Variants in ADCY2 observed in about 807,000 individuals in gnomAD.
ADCY2 encodes the protein adenylate cyclase 2.
Under a neutral mutation model 125.2 loss-of-function variants are expected in ADCY2, and 31 were observed. The observed-to-expected ratio is 0.25, with a 90% CI of 0.19 to 0.33. The LOEUF (loss-of-function observed/expected upper bound fraction) is 0.33, where lower values mean the gene tolerates loss of function less well. ADCY2 is among the 10% of genes least tolerant of loss of function. The probability of loss-of-function intolerance (pLI) is 1.00; values close to 1 mark genes in which losing one functional copy is unlikely to be tolerated. For missense variants in ADCY2, 904 were observed against 1,418.2 expected, an observed-to-expected ratio of 0.64 and a Z score of 5.82; for synonymous variants, 512 against 548.4, an observed-to-expected ratio of 0.93 and a Z score of 0.93.
chr5:7,703,364 C>A (rs188996126), intron 7 of ADCY2, among the ~76,000 whole-genome samples: 71 of 152,260 alleles, frequency 4.7e-4, no homozygotes, highest in African/African-American at 1.7e-3. Flanking sequence ...TCAGGTCTAA[C>A]ATTTAAGTCT....
chr5:7,714,562 G>C (rs1264615344), intron 11 of ADCY2, among the ~76,000 whole-genome samples: 1 of 152,258 alleles, frequency 6.6e-6, no homozygotes, highest in South Asian at 2.1e-4. Context: ...AAAGGGATAG[G>C]AGAATGCCAG....
At chr5:7,499,671 ATATATATATATGTATATATATGTG>A (rs1262001810) in intron 2 of ADCY2, among the ~76,000 whole-genome samples, 1 of 123,258 alleles carries the variant, frequency 8.1e-6, no homozygotes, top group East Asian at 2.1e-4. Flanking sequence ...ATATATATAT[ATATATATATATGTATATATATGTG>A]TATATATATG....
At chr5:7,648,584 A>C (rs1044670771) in intron 4 of ADCY2, among the ~76,000 whole-genome samples, 1 of 152,200 alleles carries the variant, frequency 6.6e-6, no homozygotes, top group Non-Finnish European at 1.5e-5. Flanking sequence ...ATTTAAGAAA[A>C]ACTTTGCCAA....
chr5:7,711,911 C>G lies in ADCY2; in HGVS notation c.1579-945C>G, dbSNP rs1477217898. Among the ~76,000 whole-genome samples, 11 of 152,318 alleles carry G rather than the reference C, an allele frequency of 7.2e-5. No homozygotes were observed. The South Asian group carries it at 2.3e-3, about 32-fold the overall frequency. ...CTTTGACTTAACTGTGTGTCTCACT[C>G]ACTTTCAGAAAGACCTCACTGGAGT... On this transcript the variant is annotated intron_variant, in intron 10 of 24. Coordinates refer to ENST00000338316, the MANE Select transcript of ADCY2 (RefSeq NM_020546.3).
At chr5:7,640,802 A>G (rs1004340836) in intron 4 of ADCY2, among the ~76,000 whole-genome samples, 4 of 152,214 alleles carry the variant, frequency 2.6e-5, no homozygotes, top group African/African-American at 9.6e-5. Context: ...TCTCTATGCA[A>G]TGACTAGTTT....
At chr5:7,644,262 A>T (rs1259793977) in intron 4 of ADCY2, among the ~76,000 whole-genome samples, 3 of 152,024 alleles carry the variant, frequency 2.0e-5, no homozygotes, top group Admixed American at 6.6e-5. Context: ...ATTTAAAGGC[A>T]TTTTCCATCC....
intron 2 of ADCY2, among the ~76,000 whole-genome samples, chr5:7,458,415 G>A (rs1741788813): frequency 6.6e-6 from 1 of 152,128 alleles, no homozygotes; most frequent in Non-Finnish European, 1.5e-5. Context: ...ATATAAAGCA[G>A]TTATTTGCAA....
chr5:7,721,773 T>C (rs1351504072), intron 12 of ADCY2, among the ~76,000 whole-genome samples: 3 of 152,220 alleles, frequency 2.0e-5, no homozygotes, highest in Non-Finnish European at 2.9e-5. Flanking sequence ...TTTGGACCAG[T>C]ACCATGCTGT....
chr5:7,442,209 G>A (rs1186878578), intron 2 of ADCY2, among the ~76,000 whole-genome samples: 2 of 152,106 alleles, frequency 1.3e-5, no homozygotes, highest in Non-Finnish European at 2.9e-5. Flanking sequence ...TGCATGTTGT[G>A]CCTCCTGTGT....
intron 1 of ADCY2, among the ~76,000 whole-genome samples, chr5:7,399,335 TG>T (rs1739178651): frequency 1.3e-5 from 2 of 152,202 alleles, no homozygotes; most frequent in South Asian, 4.1e-4. Flanking sequence ...GAGATTTTTT[TG>T]CTGTATGTAA....
At chr5:7,451,766 T>A (rs185261853) in intron 2 of ADCY2, among the ~76,000 whole-genome samples, 19 of 152,312 alleles carry the variant, frequency 1.2e-4, no homozygotes, top group Middle Eastern at 3.4e-3. Context: ...TTTATCCTTT[T>A]AAATTTTTTT....
chr5:7,403,728 C>T (rs1462225569), intron 1 of ADCY2, among the ~76,000 whole-genome samples: 2 of 152,090 alleles, frequency 1.3e-5, no homozygotes, highest in Non-Finnish European at 2.9e-5. Flanking sequence ...GACACATACA[C>T]ATAAATTATA....
chr5:7,723,920 CAAAAAAAA>C (rs70940756), intron 12 of ADCY2, among the ~76,000 whole-genome samples: 1 of 53,728 alleles, frequency 1.9e-5, no homozygotes, highest in Non-Finnish European at 3.1e-5. Flanking sequence ...GACTCAGTCT[CAAAAAAAA>C]AAAAAAAAAA....
intron 14 of ADCY2, among the ~76,000 whole-genome samples, chr5:7,735,304 T>C (rs1742216602): frequency 6.6e-6 from 1 of 152,200 alleles, no homozygotes; most frequent in Non-Finnish European, 1.5e-5. Context: ...TCTTTTACAA[T>C]CTGATGCCTT....
intron 3 of ADCY2, among the ~76,000 whole-genome samples, chr5:7,563,024 C>T (rs995616687): frequency 6.6e-6 from 1 of 152,050 alleles, no homozygotes; most frequent in Non-Finnish European, 1.5e-5. Context: ...GTTTTAAATG[C>T]ATTATATTGG....
intron 4 of ADCY2, among the ~76,000 whole-genome samples, chr5:7,640,764 C>G (rs2126673283): frequency 6.6e-6 from 1 of 151,908 alleles, no homozygotes; most frequent in East Asian, 1.9e-4. Flanking sequence ...TAGAAATATA[C>G]CAATTTCATG....
rs1561073529 is a variant in ADCY2 at position 7,524,447 on chromosome 5, G to A, written c.570+3548G>A. ...GCTCTATGACTGCTATCTGATGCCC[G>A]GACCCTGTTCAAGTTCCTCCAGCTT... On this transcript the variant is annotated intron_variant, in intron 3 of 24. Coordinates refer to ENST00000338316, the MANE Select transcript of ADCY2 (RefSeq NM_020546.3). 3.3e-5 allele frequency among the ~76,000 whole-genome samples: 5 copies of A among 151,512 alleles called. No individual in the cohort carries two copies. In the South Asian group the frequency reaches 6.3e-4, roughly 19 times the overall value.
intron 16 of ADCY2, 25 bp from the exon 17 acceptor site, chr5:7,766,662 A>C (rs1435742464): frequency 6.2e-7 from 1 of 1,609,562 alleles, no homozygotes; most frequent in Non-Finnish European, 8.5e-7. Flanking sequence ...ACATTAATTC[A>C]TTGAAAAAAA....
chr5:7,611,964 C>T (rs1737583784), intron 3 of ADCY2, among the ~76,000 whole-genome samples: 1 of 152,150 alleles, frequency 6.6e-6, no homozygotes, highest in African/African-American at 2.4e-5. Context: ...TGCCTGATGA[C>T]ATGGTAAAAG....
Sources: allele counts gnomAD v4.1 joint callset (sites outside exome capture counted in the v4.1 genomes callset), GRCh38; gene constraint gnomAD v4.1.1; transcripts MANE v1.5; gene names NCBI Gene and HGNC (gene_info 2026-07-23, HGNC 2026-07-21).